The following ACAD10 variants were observed in gnomAD, a reference collection of about 807,000 sequenced individuals.
ACAD10 encodes the protein acyl-CoA dehydrogenase family member 10.
Under a neutral mutation model 116.8 loss-of-function variants are expected in ACAD10, and 112 were observed. The ratio of observed to expected loss-of-function variants is 0.96; its 90% CI spans 0.82 to 1.12. ACAD10 has a LOEUF of 1.12. Among genes scored for constraint, ACAD10 ranks in the 50% most tolerant of loss-of-function variants. ACAD10 has a pLI of 0.00. For synonymous variants in ACAD10, 486 were observed against 510.6 expected, an observed-to-expected ratio of 0.95 and a Z score of 0.65; for missense variants, 1,259 against 1,350.2, an observed-to-expected ratio of 0.93 and a Z score of 1.06.
intron 5 of ACAD10, among the ~76,000 whole-genome samples, chr12:111,711,020 A>G (rs1408204345): frequency 6.6e-6 from 1 of 152,174 alleles, no homozygotes; most frequent in East Asian, 1.9e-4. Flanking sequence ...TTAGCTAAAT[A>G]TCCTGGGTTC....
At position 111,692,816 on chromosome 12, in the gene ACAD10, A is replaced by G; in HGVS notation, c.107A>G (p.His36Arg). Residue 36 changes from histidine (H) to arginine (R), a missense_variant, in exon 2 of 21, where the codon CAC becomes CGC. Physicochemically the swap from His to Arg is conservative, Grantham distance 29. Transcript: ENST00000313698. ...RRHQGSHRWT[H>R]LGGSTYRAVI... ...CACCAGGGGTCCCACCGATGGACAC[A>G]CCTTGGAGGCAGCACCTACAGAGCG... 6.2e-7 allele frequency: 1 copy of G among 1,614,146 alleles called. No individual in the cohort carries two copies. The highest frequency in any genetic ancestry group is 8.5e-7 in the Non-Finnish European group (1 of 1,180,026).
intron 4 of ACAD10, among the ~76,000 whole-genome samples, chr12:111,708,871 C>T (rs1410533878): frequency 6.6e-6 from 1 of 152,066 alleles, no homozygotes; most frequent in Non-Finnish European, 1.5e-5. Flanking sequence ...CATTACGGAT[C>T]AGATATGTGG....
At chr12:111,695,451 A>T (rs1360181594) in intron 2 of ACAD10, among the ~76,000 whole-genome samples, 1 of 152,102 alleles carries the variant, frequency 6.6e-6, no homozygotes, top group Non-Finnish European at 1.5e-5. Context: ...AATTCCCATT[A>T]AGTTTCACCT....
chr12:111,704,432 G>A (rs1396154441), intron 3 of ACAD10, among the ~76,000 whole-genome samples: 1 of 151,856 alleles, frequency 6.6e-6, no homozygotes. Flanking sequence ...GAGCCACCAC[G>A]CCTGGCTGGT....
chr12:111,698,387 C>T (rs915339249), intron 2 of ACAD10, among the ~76,000 whole-genome samples: 94 of 145,026 alleles, frequency 6.5e-4, no homozygotes, highest in African/African-American at 2.5e-3. Flanking sequence ...GATTCTCCCG[C>T]CTCCTGAGTA....
At chr12:111,755,423 A>G (rs1346221111) in intron 19 of ACAD10, among the ~76,000 whole-genome samples, 1 of 151,888 alleles carries the variant, frequency 6.6e-6, no homozygotes, top group Non-Finnish European at 1.5e-5. Context: ...TGTTTTTGAG[A>G]GGGGGTCTCA....
intron 19 of ACAD10, among the ~76,000 whole-genome samples, chr12:111,755,436 CTG>C (rs774720494): frequency 3.4e-4 from 51 of 152,200 alleles, no homozygotes; most frequent in Admixed American, 1.4e-3. Flanking sequence ...GGGTCTCACT[CTG>C]TTGTCCAGGC....
At chr12:111,736,692 C>G (rs1889573413) in intron 11 of ACAD10, 139 bp from the exon 12 acceptor site, 10 of 777,734 alleles carry the variant, frequency 1.3e-5, no homozygotes. Flanking sequence ...AGAGCCAATG[C>G]AGGAATAAGC....
intron 4 of ACAD10, among the ~76,000 whole-genome samples, chr12:111,707,076 C>T (rs1888533370): frequency 6.8e-6 from 1 of 148,028 alleles, no homozygotes. Context: ...TCGTGCCTGG[C>T]CCCTATTTGG....
chr12:111,744,956 A>G lies in ACAD10; in HGVS notation c.2028A>G (p.Gln676=), dbSNP rs201272990. Residue 676 remains glutamine (Q), a synonymous_variant, in exon 13 of 21, where the codon CAA becomes CAG. Coordinates refer to ENST00000313698, the MANE Select transcript of ACAD10 (RefSeq NM_025247.6). ...LYHRLKHFME[Q]RVYPAEPELQ... The stretch of plus-strand genomic sequence containing the variant: ...ACCGGCTGAAGCACTTCATGGAGCA[A>G]CGTGTGTACCCTGCAGAGCCAGAGC... 136 of 1,614,154 alleles carry G rather than the reference A, an allele frequency of 8.4e-5. No homozygotes were observed. In the Middle Eastern group the frequency reaches 1.5e-3, roughly 18 times the overall value.
intron 12 of ACAD10, among the ~76,000 whole-genome samples, chr12:111,738,475 G>A (rs1326655834): frequency 6.6e-6 from 1 of 151,026 alleles, no homozygotes; most frequent in Non-Finnish European, 1.5e-5. Flanking sequence ...AGACTTGGGA[G>A]CCAACCTGAA....
intron 4 of ACAD10, among the ~76,000 whole-genome samples, chr12:111,708,624 GC>G (rs1888580453): frequency 6.6e-6 from 1 of 152,096 alleles, no homozygotes; most frequent in Non-Finnish European, 1.5e-5. Flanking sequence ...TTTGTCCTTG[GC>G]CTTGGAGAGC....
intron 8 of ACAD10, among the ~76,000 whole-genome samples, chr12:111,723,437 T>C (rs1325872788): frequency 7.9e-6 from 1 of 126,130 alleles, no homozygotes; most frequent in South Asian, 2.8e-4. Context: ...CCCGCCTCCC[T>C]CCTGGACGGG....
intron 2 of ACAD10, among the ~76,000 whole-genome samples, chr12:111,696,256 TTTCTCAAGCTAGTG>T (rs1566140801): frequency 6.6e-6 from 1 of 151,916 alleles, no homozygotes; most frequent in African/African-American, 2.4e-5. Flanking sequence ...TCTTGCTATG[TTTCTCAAGCTAGTG>T]TCGAACTCCC....
chr12:111,705,837 C>A lies in ACAD10; in HGVS notation c.436C>A (p.Arg146=), dbSNP rs766583324. ...GATGACTGAGGCCATAACTCAAATT[C>A]GGGCAAAAGGTCTTCAGACTGCAGT... ...PVMTEAITQI[R]AKGLQTAVLS... Residue 146 remains arginine (R), a synonymous_variant, in exon 4 of 21, where the codon CGG becomes AGG. Transcript: ENST00000313698. The A allele has an allele frequency of 3.1e-6, 5 of 1,614,158 alleles. No individual in the cohort carries two copies. The South Asian group carries it at 5.5e-5, about 18-fold the overall frequency.
intron 10 of ACAD10, among the ~76,000 whole-genome samples, chr12:111,732,564 G>A (rs910291011): frequency 1.3e-5 from 2 of 152,242 alleles, no homozygotes; most frequent in African/African-American, 4.8e-5. Context: ...CTGGAAGGTG[G>A]ACACATGAGT....
intron 20 of ACAD10, 176 bp downstream of exon 20, chr12:111,755,921 A>G: frequency 1.4e-6 from 1 of 737,820 alleles, no homozygotes; most frequent in South Asian, 1.6e-5. Context: ...GGGAGGTGCC[A>G]TCGTACCCCC....
At chr12:111,753,596 A>G (rs761182158) in intron 18 of ACAD10, 176 bp from the exon 19 acceptor site, 3 of 820,824 alleles carry the variant, frequency 3.7e-6, no homozygotes, top group South Asian at 1.4e-5. Flanking sequence ...CTCCCTGGAC[A>G]TGGCGCATGG....
Position 111,728,020 on chromosome 12 carries a change from C to T in ACAD10, c.1120C>T (p.Pro374Ser), listed in dbSNP as rs1172879377. 1 of 1,613,996 alleles carries T rather than the reference C, an allele frequency of 6.2e-7. No homozygotes were observed. The highest frequency in any genetic ancestry group is 1.3e-5 in the African/African-American group (1 of 74,906). ...CTGCCCAGGTCTCATCTACAAAGACCCTTCCCTGCCAGGCTTGGAGCCCAG... is the reference window on the plus strand; with the variant it reads ...CTGCCCAGGTCTCATCTACAAAGACTCTTCCCTGCCAGGCTTGGAGCCCAG... ...EYCPGLIYKDPSLPGLEPSHR... is the reference protein window; with the variant it reads ...EYCPGLIYKDSSLPGLEPSHR... The change falls in exon 9 of 21, where the codon CCT (proline) becomes TCT (serine). Residue 374 changes from proline to serine, a missense_variant. Pro to Ser is a moderately conservative substitution (Grantham distance 74). Transcript: ENST00000313698.
Sources: gnomAD v4.1 joint callset for allele counts (sites outside exome capture counted in the v4.1 genomes callset) on GRCh38, gnomAD v4.1.1 for gene constraint, MANE v1.5 for transcripts, NCBI Gene and HGNC (gene_info 2026-07-23, HGNC 2026-07-21) for gene names.